Variants in SPINK5 observed in about 807,000 individuals in gnomAD.
SPINK5 encodes serine peptidase inhibitor Kazal type 5.
SPINK5 carries 125 observed loss-of-function variants against 151.8 expected under a neutral mutation model. The ratio of observed to expected loss-of-function variants is 0.82; its 90% CI spans 0.71 to 0.96. The LOEUF is 0.96. SPINK5 is among the 40% of genes least tolerant of loss of function. The pLI, the probability that SPINK5 is intolerant of heterozygous loss-of-function variation, is 0.00. For missense variants in SPINK5, 1,194 were observed against 1,291.9 expected (o/e 0.92, Z 1.16); for synonymous variants, 374 against 395.3 (o/e 0.95, Z 0.64).
chr5:148,104,514 C>T (rs1196762821), intron 15 of SPINK5, among the ~76,000 whole-genome samples: 1 of 152,080 alleles, frequency 6.6e-6, no homozygotes, highest in East Asian at 1.9e-4. Context: ...GTATAAACTA[C>T]TATGGGTGGA....
chr5:148,078,617 C>G (rs187298968), intron 4 of SPINK5, among the ~76,000 whole-genome samples: 2 of 150,406 alleles, frequency 1.3e-5, no homozygotes, highest in African/African-American at 4.9e-5. Flanking sequence ...AATTCAAACC[C>G]AGCAAGGAAA....
At chr5:148,066,719 A>G (rs1282253631) in intron 2 of SPINK5, among the ~76,000 whole-genome samples, 1 of 152,148 alleles carries the variant, frequency 6.6e-6, no homozygotes, top group Admixed American at 6.5e-5. Context: ...TATAAATATC[A>G]TTGTGTATAA....
intron 30 of SPINK5, among the ~76,000 whole-genome samples, chr5:148,128,782 C>T (rs1581111476): frequency 6.6e-6 from 1 of 152,160 alleles, no homozygotes; most frequent in East Asian, 1.9e-4. Flanking sequence ...CTCGGCCTCC[C>T]AAAGTGCTGG....
intron 21 of SPINK5, among the ~76,000 whole-genome samples, chr5:148,115,608 G>A (rs1396290504): frequency 2.6e-5 from 4 of 152,056 alleles, no homozygotes; most frequent in African/African-American, 9.7e-5. Context: ...GTCATGTGGT[G>A]ACAGCTATGC....
intron 13 of SPINK5, 36 bp downstream of exon 13, chr5:148,100,617 AT>A (rs750154211): frequency 1.2e-6 from 2 of 1,609,530 alleles, no homozygotes; most frequent in African/African-American, 2.7e-5. Flanking sequence ...TGGAGGAATG[AT>A]TTTGTTCTTT....
At chr5:148,072,090 T>C in intron 3 of SPINK5, 58 bp from the exon 4 acceptor site, 1 of 1,521,050 alleles carries the variant, frequency 6.6e-7, no homozygotes, top group South Asian at 1.1e-5. Flanking sequence ...TGTTAGCTGT[T>C]ATTGTTAAAA....
intron 4 of SPINK5, among the ~76,000 whole-genome samples, chr5:148,083,876 C>T (rs1472312906): frequency 6.6e-6 from 1 of 151,544 alleles, no homozygotes; most frequent in African/African-American, 2.4e-5. Flanking sequence ...TAGGAGAATT[C>T]CTTGATCTGA....
intron 32 of SPINK5, among the ~76,000 whole-genome samples, 194 bp from the exon 33 acceptor site, chr5:148,136,789 C>T (rs1223600653): frequency 6.6e-6 from 1 of 152,172 alleles, no homozygotes; most frequent in African/African-American, 2.4e-5. Context: ...CACCTCAACA[C>T]GTAGTACATA....
chr5:148,077,798 C>T (rs575885985), intron 4 of SPINK5, among the ~76,000 whole-genome samples: 1 of 150,126 alleles, frequency 6.7e-6, no homozygotes, highest in South Asian at 2.1e-4. Flanking sequence ...AGAGTAGCTA[C>T]TAAGAAAATA....
chr5:148,123,529 A>G (rs1271638243), intron 26 of SPINK5, among the ~76,000 whole-genome samples: 3 of 26,632 alleles, frequency 1.1e-4, no homozygotes, highest in African/African-American at 2.7e-4. Flanking sequence ...GTGTATATAT[A>G]TATATATATA....
intron 20 of SPINK5, 67 bp from the exon 21 acceptor site, chr5:148,114,295 T>G: frequency 6.4e-7 from 1 of 1,555,982 alleles, no homozygotes. Context: ...ATAAAGCACT[T>G]AGTAGGAACC....
At position 148,136,313 on chromosome 5, in the gene SPINK5, C is replaced by A. The variant is rs182309996; in HGVS notation, c.3187-670C>A. 2.8e-3 allele frequency among the ~76,000 whole-genome samples: 427 copies of A among 151,958 alleles called. 3 individuals carry two copies. The highest frequency in any genetic ancestry group is 4.2e-3 in the Non-Finnish European group (288 of 67,938). On this transcript the variant is annotated intron_variant, in intron 32 of 32. Transcript: ENST00000256084. Reference sequence around the variant, plus strand: ...CAGATTTTCAAGGATTCAGGAAAACCGAAGCTTGCTACTTTCAAACCAAAG... The same window carrying A: ...CAGATTTTCAAGGATTCAGGAAAACAGAAGCTTGCTACTTTCAAACCAAAG...
rs778456546 is a variant in SPINK5 at position 148,120,440 on chromosome 5, A to G, written c.2538+49A>G. On this transcript the variant is annotated intron_variant, in intron 26 of 32. Coordinates refer to ENST00000256084, the MANE Select transcript of SPINK5 (RefSeq NM_006846.4). ...TACCTGAATTCAGTTAGTTCATTGT[A>G]TGGTATATTTATTCAACAAATATTT... The G allele has an allele frequency of 1.9e-5, 29 of 1,550,326 alleles. No individual in the cohort carries two copies. The East Asian group carries it at 2.7e-4, about 14-fold the overall frequency.
chr5:148,080,340 TC>T (rs902187981), intron 4 of SPINK5, among the ~76,000 whole-genome samples: 7 of 151,466 alleles, frequency 4.6e-5, no homozygotes, highest in African/African-American at 1.4e-4. Context: ...TTAAACATAT[TC>T]CCAATCAAAA....
Position 148,112,934 on chromosome 5 carries a change from G to T in SPINK5, c.1887G>T (p.Lys629Asn). 6.2e-7 allele frequency: 1 copy of T among 1,613,628 alleles called. No individual in the cohort carries two copies. Among genetic ancestry groups the T allele is most frequent in the Non-Finnish European group, 8.5e-7 (1 of 1,179,792 alleles). ...CAAAAGTCAAAAGAGAAGCTGAAAA[G>T]GTAGTAATCCTGAATGTTTATACTG... ...PRAKVKREAE[K>N]ETCDEFRRLL... The change falls in exon 20 of 33, where the codon AAG becomes AAT. Residue 629 changes from lysine to asparagine, a missense_variant and splice_region_variant. By Grantham distance (94) the Lys-to-Asn change is moderately conservative. Coordinates refer to ENST00000256084, the MANE Select transcript of SPINK5 (RefSeq NM_006846.4).
chr5:148,108,599 A>G (rs762885874), intron 17 of SPINK5, among the ~76,000 whole-genome samples, 154 bp from the exon 18 acceptor site: 3 of 152,294 alleles, frequency 2.0e-5, no homozygotes, highest in Non-Finnish European at 4.4e-5. Flanking sequence ...TATCTGTACT[A>G]TTGGTTAAAG....
intron 27 of SPINK5, among the ~76,000 whole-genome samples, chr5:148,124,362 T>G (rs768981536): frequency 6.6e-6 from 1 of 152,246 alleles, no homozygotes; most frequent in Non-Finnish European, 1.5e-5. Context: ...AAAATGTTTA[T>G]GAACTTCAAA....
intron 24 of SPINK5, 51 bp from the exon 25 acceptor site, chr5:148,119,958 C>G: frequency 6.2e-7 from 1 of 1,603,474 alleles, no homozygotes; most frequent in Non-Finnish European, 8.5e-7. Context: ...CAAATCCAAT[C>G]AAATATTATG....
chr5:148,135,645 G>A (rs1215830288), intron 32 of SPINK5, among the ~76,000 whole-genome samples: 3 of 152,274 alleles, frequency 2.0e-5, no homozygotes, highest in Non-Finnish European at 2.9e-5. Context: ...AGATTCAAGT[G>A]TGTGATCTCG....
Sources: allele counts gnomAD v4.1 joint callset (sites outside exome capture counted in the v4.1 genomes callset), GRCh38; gene constraint gnomAD v4.1.1; transcripts MANE v1.5; gene names NCBI Gene and HGNC (gene_info 2026-07-23, HGNC 2026-07-21).